The following GRB10 variants were observed in gnomAD, a reference collection of about 807,000 sequenced individuals.
The protein encoded by GRB10 is growth factor receptor-bound protein 10.
Under a neutral mutation model 80.9 loss-of-function variants are expected in GRB10, and 20 were observed. That is an observed-to-expected ratio of 0.25 (90% CI 0.17 to 0.36). GRB10 has a LOEUF of 0.36. Among genes scored for constraint, GRB10 ranks in the 10% least tolerant of loss-of-function variants. The pLI is 1.00. For missense variants in GRB10, 548 were observed against 747.7 expected (o/e 0.73, Z 3.12); for synonymous variants, 291 against 291.5 (o/e 1.00, Z 0.02).
chr7:50,666,678 C>T (rs1331130344), intron 7 of GRB10, among the ~76,000 whole-genome samples: 1 of 152,118 alleles, frequency 6.6e-6, no homozygotes, highest in African/African-American at 2.4e-5. Flanking sequence ...GCTCTCAGAC[C>T]TGGGGTCTCT....
chr7:50,724,100 C>T (rs1218206430), intron 4 of GRB10, among the ~76,000 whole-genome samples: 1 of 152,212 alleles, frequency 6.6e-6, no homozygotes, highest in Non-Finnish European at 1.5e-5. Context: ...CCAGCAGCGC[C>T]TGAGGAAATC....
Position 50,622,119 on chromosome 7 carries a change from A to G in GRB10, c.662-2834T>C, listed in dbSNP as rs189529709. On this transcript the variant is annotated intron_variant, in intron 8 of 18. Coordinates refer to ENST00000401949, the MANE Select transcript of GRB10 (RefSeq NM_001350814.2). ...AAGGGAGAGAAAAGAGCTGTCAGCA[A>G]GCTCAGGGCTTTCCCAGGCTAAGAA... Among the ~76,000 whole-genome samples, 28 of 152,376 alleles carry G rather than the reference A, an allele frequency of 1.8e-4. 1 individual carries two copies. The East Asian group carries it at 1.9e-3, about 10-fold the overall frequency.
chr7:50,683,254 G>A (rs944982801), intron 5 of GRB10, among the ~76,000 whole-genome samples: 3 of 152,176 alleles, frequency 2.0e-5, no homozygotes, highest in Admixed American at 2.0e-4. Flanking sequence ...TGGGGTCCCT[G>A]GAGTAGTCAA....
intron 17 of GRB10, among the ~76,000 whole-genome samples, chr7:50,598,030 A>C (rs1260706642): frequency 6.6e-6 from 1 of 152,110 alleles, no homozygotes; most frequent in African/African-American, 2.4e-5. Context: ...CACCCAGCTA[A>C]TTCTTACATT....
chr7:50,714,799 C>T (rs1437224401), intron 4 of GRB10, among the ~76,000 whole-genome samples: 1 of 152,106 alleles, frequency 6.6e-6, no homozygotes, highest in Non-Finnish European at 1.5e-5. Context: ...GTCCCACAAC[C>T]CCAGCAACCT....
chr7:50,756,613 A>C (rs1352187614), intron 2 of GRB10, among the ~76,000 whole-genome samples: 2 of 152,124 alleles, frequency 1.3e-5, no homozygotes, highest in Admixed American at 6.5e-5. Context: ...CTGATCTTTG[A>C]TTCATCACTC....
chr7:50,632,799 T>C (rs1038130667), intron 7 of GRB10, among the ~76,000 whole-genome samples: 1 of 152,150 alleles, frequency 6.6e-6, no homozygotes, highest in African/African-American at 2.4e-5. Flanking sequence ...GAAGAGACTC[T>C]GTTGCGCAGG....
intron 2 of GRB10, among the ~76,000 whole-genome samples, chr7:50,763,941 T>G (rs1168011287): frequency 6.6e-6 from 1 of 152,180 alleles, no homozygotes; most frequent in African/African-American, 2.4e-5. Flanking sequence ...ACCCAAATTC[T>G]CAGCGACAGC....
At chr7:50,750,355 T>G (rs1326176382) in intron 3 of GRB10, among the ~76,000 whole-genome samples, 1 of 152,238 alleles carries the variant, frequency 6.6e-6, no homozygotes, top group African/African-American at 2.4e-5. Context: ...AAAGTTGAGT[T>G]AACTTTGAAT....
rs573758350 is a variant in GRB10 at position 50,751,019 on chromosome 7, C to T, written c.-47+4868G>A. On this transcript the variant is annotated intron_variant, in intron 3 of 18. Coordinates refer to ENST00000401949, the MANE Select transcript of GRB10 (RefSeq NM_001350814.2). ...GTGGCTTGCTTGGCCCCCAAGCCTG[C>T]AAATCAGACTCGCCAAGAATGAATG... Among the ~76,000 whole-genome samples the T allele has an allele frequency of 8.5e-5, 13 of 152,280 alleles. No individual in the cohort carries two copies. The South Asian group carries it at 2.7e-3, about 32-fold the overall frequency.
chr7:50,667,521 C>T (rs943337036), intron 7 of GRB10, among the ~76,000 whole-genome samples: 5 of 152,134 alleles, frequency 3.3e-5, no homozygotes, highest in Non-Finnish European at 5.9e-5. Context: ...CATCCCCCAC[C>T]GTGATCCTAG....
At chr7:50,674,022 C>G (rs1228191479) in intron 6 of GRB10, among the ~76,000 whole-genome samples, 1 of 152,172 alleles carries the variant, frequency 6.6e-6, no homozygotes, top group African/African-American at 2.4e-5. Context: ...TGAGGGAGGT[C>G]TGGGGTTGCA....
At chr7:50,661,441 A>G (rs1230723820) in intron 7 of GRB10, among the ~76,000 whole-genome samples, 1 of 152,082 alleles carries the variant, frequency 6.6e-6, no homozygotes. Context: ...TGCTCTAAAA[A>G]CTCATTATGT....
intron 16 of GRB10, 45 bp from the exon 17 acceptor site, chr7:50,604,130 C>T: frequency 6.6e-7 from 1 of 1,507,548 alleles, no homozygotes. Context: ...GGTGCCTCTG[C>T]AGAATGGCTT....
intron 7 of GRB10, among the ~76,000 whole-genome samples, chr7:50,652,964 C>T (rs1182956165): frequency 1.3e-5 from 2 of 152,176 alleles, no homozygotes; most frequent in African/African-American, 4.8e-5. Context: ...CAAAGCTGTT[C>T]CTAGTTATGC....
At chr7:50,694,911 G>A (rs2063258894) in intron 5 of GRB10, among the ~76,000 whole-genome samples, 2 of 152,194 alleles carry the variant, frequency 1.3e-5, no homozygotes, top group Non-Finnish European at 2.9e-5. Flanking sequence ...CATGATAGCA[G>A]ATAGACTGTC....
upstream of GRB10, among the ~76,000 whole-genome samples, chr7:50,783,303 C>T (rs1262463290): frequency 6.6e-6 from 1 of 152,150 alleles, no homozygotes; most frequent in Non-Finnish European, 1.5e-5. Flanking sequence ...ACAGGCATAA[C>T]GTTACTGAAC....
intron 3 of GRB10, among the ~76,000 whole-genome samples, chr7:50,752,351 T>C (rs2074254515): frequency 6.6e-6 from 1 of 152,146 alleles, no homozygotes; most frequent in Admixed American, 6.5e-5. Context: ...ACTTAAGAGT[T>C]TCTCTTTCCT....
Position 50,626,969 on chromosome 7 carries a change from C to G in GRB10, c.514G>C (p.Val172Leu), listed in dbSNP as rs1477083539. 24 of 1,614,086 alleles carry G rather than the reference C, an allele frequency of 1.5e-5. No homozygotes were observed. The highest frequency in any genetic ancestry group is 1.9e-5 in the Non-Finnish European group (23 of 1,180,030). ...SQAAAKQDVK[V>L]FSEDGTSKVV... ...TTGCTTGTCCCATCTTCACTAAAGA[C>G]TTTAACATCCTGCAACACACAAAGG... Residue 172 changes from valine to leucine, a missense_variant, in exon 8 of 19, where the codon GTC becomes CTC. By Grantham distance (32) the Val-to-Leu change is conservative. This residue lies in a region of GRB10 where 245 missense variants were observed against 229.3 expected (regional missense o/e 1.07). Transcript: ENST00000401949.
Sources: gnomAD v4.1 joint callset for allele counts (sites outside exome capture counted in the v4.1 genomes callset) on GRCh38, gnomAD v4.1.1 for gene constraint, gnomAD v4.1.1 regional missense constraint, MANE v1.5 for transcripts, NCBI Gene and HGNC (gene_info 2026-07-23, HGNC 2026-07-21) for gene names.